TGIF2: variants seen among roughly 807,000 people sequenced by gnomAD.
TGIF2 encodes the protein homeobox protein TGIF2.
TGIF2 carries 5 observed loss-of-function variants against 15.1 expected under a neutral mutation model. The observed-to-expected ratio is 0.33, with a 90% CI of 0.17 to 0.70. TGIF2 has a LOEUF of 0.70. Among genes scored for constraint, TGIF2 ranks in the 30% least tolerant of loss-of-function variants. TGIF2 has a pLI of 0.67. For synonymous variants in TGIF2, 131 were observed against 128.9 expected (o/e 1.02, Z -0.11); for missense variants, 264 against 302.5 (o/e 0.87, Z 0.94).
chr20:36,586,771 T>C (rs1185725001), intron 2 of TGIF2, among the ~76,000 whole-genome samples: 1 of 142,148 alleles, frequency 7.0e-6, no homozygotes, highest in Non-Finnish European at 1.5e-5. Context: ...CTGGATATGG[T>C]AGTCTCAGTG....
chr20:36,576,511 G>T (rs1362156106), intron 1 of TGIF2, among the ~76,000 whole-genome samples: 1 of 152,052 alleles, frequency 6.6e-6, no homozygotes, highest in Non-Finnish European at 1.5e-5. Flanking sequence ...AGGCAAGACA[G>T]TATACAGCTC....
At chr20:36,584,140 C>A (rs1222878636) in intron 2 of TGIF2, among the ~76,000 whole-genome samples, 1 of 152,120 alleles carries the variant, frequency 6.6e-6, no homozygotes, top group Non-Finnish European at 1.5e-5. Flanking sequence ...ACATCTTGAA[C>A]CTCAACCCTG....
At chr20:36,577,835 T>A (rs1034831265) in intron 1 of TGIF2, among the ~76,000 whole-genome samples, 1 of 151,842 alleles carries the variant, frequency 6.6e-6, no homozygotes, top group African/African-American at 2.4e-5. Flanking sequence ...AGACCTTTTT[T>A]ATTTTGTTGT....
At position 36,591,090 on chromosome 20, in the gene TGIF2, C is replaced by T; in HGVS notation, c.373C>T (p.Leu125Phe). The change falls in exon 3 of 3, where the codon CTC becomes TTC. Residue 125 changes from leucine to phenylalanine, a missense_variant. Coordinates refer to ENST00000373872, the MANE Select transcript of TGIF2 (RefSeq NM_021809.7). This position sits in a 1 kb window ranked among gnomAD's most constrained non-coding sequence, Gnocchi z 5.3. ...AVSVPAPTNV[L>F]SLSVCSMPLH... ...GTCTGTCCCAGCCCCCACCAATGTG[C>T]TCTCCCTGTCTGTGTGCTCCATGCC... is the stretch of plus-strand genomic sequence containing the variant. 1 of 1,599,152 alleles carries T rather than the reference C, an allele frequency of 6.3e-7. No homozygotes were observed. The highest frequency in any genetic ancestry group is 8.6e-7 in the Non-Finnish European group (1 of 1,168,436).
intron 1 of TGIF2, among the ~76,000 whole-genome samples, chr20:36,575,588 C>A (rs2038412044): frequency 6.6e-6 from 1 of 152,206 alleles, no homozygotes; most frequent in African/African-American, 2.4e-5. Flanking sequence ...GTGCCTGTCT[C>A]ACCTCCAGGT....
At chr20:36,590,023 C>T (rs1383877819) in intron 2 of TGIF2, among the ~76,000 whole-genome samples, 1 of 152,066 alleles carries the variant, frequency 6.6e-6, no homozygotes, top group African/African-American at 2.4e-5. Context: ...GGCATTATCA[C>T]GGCTCACTGC....
Position 36,591,258 on chromosome 20 carries a change from A to G in TGIF2, c.541A>G (p.Asn181Asp), listed in dbSNP as rs1332663229. ...EAGSPTGGLF[N>D]TPPPTPPEQD... is the part of the protein sequence containing the mutation. ...TGGAAGCCCCACAGGTGGACTCTTC[A>G]ACACGCCACCACCCACACCCCCAGA... Residue 181 changes from asparagine (N) to aspartate (D), a missense_variant, in exon 3 of 3, where the codon AAC (asparagine) becomes GAC (aspartate). Coordinates refer to ENST00000373872, the MANE Select transcript of TGIF2 (RefSeq NM_021809.7). The surrounding 1 kb of genome is among the most constrained non-coding windows in gnomAD (Gnocchi z 5.3). The G allele has an allele frequency of 6.2e-7, 1 of 1,614,150 alleles. No individual in the cohort carries two copies. The highest frequency in any genetic ancestry group is 1.7e-5 in the Admixed American group (1 of 60,018).
chr20:36,583,269 CAAAAA>C (rs113049516), intron 2 of TGIF2, among the ~76,000 whole-genome samples: 1 of 132,750 alleles, frequency 7.5e-6, no homozygotes, highest in African/African-American at 2.7e-5. Flanking sequence ...AAAACTGTCT[CAAAAA>C]AAAAAAACAA....
chr20:36,584,456 A>C (rs1755449288), intron 2 of TGIF2, among the ~76,000 whole-genome samples: 1 of 152,190 alleles, frequency 6.6e-6, no homozygotes, highest in Non-Finnish European at 1.5e-5. Context: ...AAGGGTCAAC[A>C]GGCAGGACCT....
intron 2 of TGIF2, among the ~76,000 whole-genome samples, chr20:36,584,094 C>G (rs982486400): frequency 1.3e-5 from 2 of 152,068 alleles, no homozygotes; most frequent in Non-Finnish European, 2.9e-5. Context: ...AATTCAATGG[C>G]TTTTGCCAGC....
chr20:36,579,218 C>T (rs1326945599), intron 2 of TGIF2, among the ~76,000 whole-genome samples: 2 of 152,142 alleles, frequency 1.3e-5, no homozygotes, highest in African/African-American at 4.8e-5. Flanking sequence ...GTCACCCGGG[C>T]TGGAGTGCAG....
chr20:36,590,607 TAG>T lies in TGIF2; in HGVS notation c.193-301_193-300del, dbSNP rs1600785107. 2.0e-5 allele frequency among the ~76,000 whole-genome samples: 3 copies of T among 152,304 alleles called. No homozygotes were observed. The East Asian group carries it at 5.8e-4, about 29-fold the overall frequency. On this transcript the variant is annotated intron_variant, in intron 2 of 2. Coordinates refer to ENST00000373872, the MANE Select transcript of TGIF2 (RefSeq NM_021809.7). ...TGAAACAGTATCTTGTTCTATTGCC[TAG>T]ACTGGAATCCAGTGGTGCGATCATA...
Position 36,576,101 on chromosome 20 carries a change from AAAAGAAAG to A in TGIF2, c.-35+2372_-35+2379del, listed in dbSNP as rs533825772. 5.0e-3 allele frequency among the ~76,000 whole-genome samples: 745 copies of A among 150,142 alleles called. 5 individuals are homozygous for A. Among genetic ancestry groups the A allele is most frequent in the African/African-American group, 0.018 (713 of 39,766 alleles). On this transcript the variant is annotated intron_variant, in intron 1 of 2. Transcript: ENST00000373872. ...AGCGAGACTCCATCTCAAAAAAAAA[AAAAGAAAG>A]AAAGAAAGAAAGAAAATCTTTGTTG...
chr20:36,577,527 T>G lies in TGIF2; in HGVS notation c.-34-1214T>G, dbSNP rs562399294. On this transcript the variant is annotated intron_variant, in intron 1 of 2. Transcript: ENST00000373872. ...TGTCCGGCCTTTGTTTGTTTTTGTTTTTTTTTTTTTGAGATGGAGTCTCGC... is the reference window on the plus strand; with the variant it reads ...TGTCCGGCCTTTGTTTGTTTTTGTTGTTTTTTTTTTGAGATGGAGTCTCGC... 5.0e-3 allele frequency among the ~76,000 whole-genome samples: 750 copies of G among 151,040 alleles called. 7 individuals are homozygous for G. The highest frequency in any genetic ancestry group is 0.018 in the African/African-American group (721 of 41,120).
At chr20:36,582,941 A>C (rs1212512193) in intron 2 of TGIF2, among the ~76,000 whole-genome samples, 1 of 151,986 alleles carries the variant, frequency 6.6e-6, no homozygotes, top group East Asian at 1.9e-4. Flanking sequence ...CCTCATCTAA[A>C]CCATCATTAT....
chr20:36,574,528 A>G (rs2038378437), intron 1 of TGIF2: 3 of 151,716 alleles, frequency 2.0e-5, no homozygotes, highest in Non-Finnish European at 4.4e-5. Flanking sequence ...TCGGAGCACA[A>G]AGCCGAGCGC....
intron 1 of TGIF2, among the ~76,000 whole-genome samples, chr20:36,575,401 C>A (rs1212534926): frequency 6.6e-6 from 1 of 152,154 alleles, no homozygotes; most frequent in Non-Finnish European, 1.5e-5. Flanking sequence ...ACCCTGCAGA[C>A]AGACTTGGCT....
chr20:36,585,487 AAC>A (rs1555926420), intron 2 of TGIF2, among the ~76,000 whole-genome samples: 8 of 150,310 alleles, frequency 5.3e-5, no homozygotes, highest in African/African-American at 1.7e-4. Context: ...AAAAAAAAAA[AAC>A]TCCACAAAAG....
At chr20:36,584,497 C>G (rs2038612055) in intron 2 of TGIF2, among the ~76,000 whole-genome samples, 1 of 151,898 alleles carries the variant, frequency 6.6e-6, no homozygotes, top group Admixed American at 6.6e-5. Context: ...GGCTCCTAAT[C>G]ATGAAAAATA....
Sources: allele counts gnomAD v4.1 joint callset (sites outside exome capture counted in the v4.1 genomes callset), GRCh38; gene constraint gnomAD v4.1.1; non-coding constraint Gnocchi (gnomAD v3.1); transcripts MANE v1.5; gene names NCBI Gene and HGNC (gene_info 2026-07-23, HGNC 2026-07-21).